ZYG11B: variants seen among roughly 807,000 people sequenced by gnomAD.
The protein encoded by ZYG11B is zyg-11 family member B, cell cycle regulator.
A neutral mutation model predicts 82.4 loss-of-function variants in ZYG11B; 36 were observed. The ratio of observed to expected loss-of-function variants is 0.44; its 90% CI spans 0.33 to 0.58. ZYG11B has a LOEUF of 0.58. ZYG11B is among the 20% of genes least tolerant of loss of function. ZYG11B has a pLI of 0.02. For missense variants in ZYG11B, 552 were observed against 895.6 expected, an observed-to-expected ratio of 0.62 and a Z score of 4.90; for synonymous variants, 303 against 312.8, an observed-to-expected ratio of 0.97 and a Z score of 0.33.
At chr1:52,731,293 A>G (rs976195206) in intron 1 of ZYG11B, among the ~76,000 whole-genome samples, 11 of 152,030 alleles carry the variant, frequency 7.2e-5, no homozygotes, top group South Asian at 2.1e-4. Flanking sequence ...AGAAAAAAAA[A>G]AAAAAGAGTC....
chr1:52,736,696 G>T (rs1192412503), intron 1 of ZYG11B, among the ~76,000 whole-genome samples: 1 of 151,328 alleles, frequency 6.6e-6, no homozygotes, highest in African/African-American at 2.4e-5. Context: ...CAGGTGATCC[G>T]CCCACCTTGG....
chr1:52,791,168 T>A (rs1644956040), intron 6 of ZYG11B, among the ~76,000 whole-genome samples: 2 of 151,804 alleles, frequency 1.3e-5, no homozygotes, highest in South Asian at 4.2e-4. Flanking sequence ...AGACAGGGTT[T>A]CACCACGTTG....
intron 3 of ZYG11B, among the ~76,000 whole-genome samples, chr1:52,778,021 A>G (rs1274040296): frequency 6.6e-6 from 1 of 152,176 alleles, no homozygotes; most frequent in African/African-American, 2.4e-5. Flanking sequence ...GAACTTTGTC[A>G]TCTACCCCAA....
chr1:52,726,904 C>G (rs996338887), intron 1 of ZYG11B, among the ~76,000 whole-genome samples: 1 of 152,070 alleles, frequency 6.6e-6, no homozygotes, highest in African/African-American at 2.4e-5. Context: ...AATCTCCCTT[C>G]TCCCCGATGA....
rs1644633038 is a variant in ZYG11B, at chr1:52,761,709, G to A, written c.196+5086G>A. Among the ~76,000 whole-genome samples the A allele has an allele frequency of 2.0e-5, 3 of 152,186 alleles. No homozygotes were observed. The South Asian group carries it at 6.2e-4, about 32-fold the overall frequency. On this transcript the variant is annotated intron_variant, in intron 2 of 13. Transcript: ENST00000294353. Reference sequence around the variant, plus strand: ...TCCTTTGAATAAATGTCCAGTAGTGGGATTGCTGGATATGGTAGTTCTATT... The same window carrying A: ...TCCTTTGAATAAATGTCCAGTAGTGAGATTGCTGGATATGGTAGTTCTATT...
At chr1:52,811,549 TC>T (rs780495563) in intron 10 of ZYG11B, among the ~76,000 whole-genome samples, 1 of 152,148 alleles carries the variant, frequency 6.6e-6, no homozygotes, top group African/African-American at 2.4e-5. Flanking sequence ...GAAGTGATCC[TC>T]CCACCTCAAC....
At position 52,793,866 on chromosome 1, in the gene ZYG11B, T is replaced by TCTTC. The variant is rs1268357833; in HGVS notation, c.1335-2423_1335-2422insCCTT. Among the ~76,000 whole-genome samples, 229 of 139,304 alleles carry TCTTC rather than the reference T, an allele frequency of 1.6e-3. 4 individuals carry two copies. The highest frequency in any genetic ancestry group is 5.9e-3 in the African/African-American group (213 of 36,100). The allele number at this position is 139,304 out of a possible 152,430, so 91.4% of individuals were successfully genotyped here. A position where few individuals can be genotyped will look rare whatever the true frequency, so the allele number is the denominator to read the frequency against. On this transcript the variant is annotated intron_variant, in intron 6 of 13. Coordinates refer to ENST00000294353, the MANE Select transcript of ZYG11B (RefSeq NM_024646.3). ...GGTTTCTTTCTTTCTTCCTTTTCTT[T>TCTTC]CTTTCCTTCCTTCCTTCCTTCCTTC...
intron 8 of ZYG11B, among the ~76,000 whole-genome samples, chr1:52,797,118 ATT>A (rs1645022559): frequency 1.4e-5 from 1 of 69,024 alleles, no homozygotes; most frequent in Non-Finnish European, 2.0e-5. Flanking sequence ...ATATTTATAT[ATT>A]ATATATTATA....
intron 1 of ZYG11B, among the ~76,000 whole-genome samples, chr1:52,746,695 T>TTTTTTTTG (rs1644479952): frequency 4.1e-5 from 5 of 122,378 alleles, no homozygotes; most frequent in East Asian, 3.2e-4. Context: ...CTGTTTTTTT[T>TTTTTTTTG]TTTTTTTTTT....
chr1:52,791,075 G>T (rs896963430), intron 6 of ZYG11B, among the ~76,000 whole-genome samples: 6 of 151,660 alleles, frequency 4.0e-5, no homozygotes, highest in African/African-American at 1.2e-4. Context: ...GAGTTTAAGT[G>T]ATTCTCCTAC....
Position 52,785,060 on chromosome 1 carries a change from T to A in ZYG11B, c.1269+7T>A. The A allele has an allele frequency of 6.2e-7, 1 of 1,611,144 alleles. No homozygotes were observed. The highest frequency in any genetic ancestry group is 1.7e-5 in the Admixed American group (1 of 58,606). ...TTTTCCCAATCACCAGCAGGTAAGC[T>A]TATGTGAATTCCTTTTCAAATAGTC... On this transcript the variant is annotated splice_region_variant and intron_variant, in intron 5 of 13. Transcript: ENST00000294353.
At chr1:52,783,131 T>C (rs1644870716) in intron 4 of ZYG11B, among the ~76,000 whole-genome samples, 1 of 152,068 alleles carries the variant, frequency 6.6e-6, no homozygotes, top group Non-Finnish European at 1.5e-5. Flanking sequence ...TTCACCATGT[T>C]GGCCAGGCTG....
intron 10 of ZYG11B, among the ~76,000 whole-genome samples, chr1:52,808,702 A>G (rs1224565248): frequency 6.6e-6 from 1 of 152,094 alleles, no homozygotes; most frequent in Non-Finnish European, 1.5e-5. Flanking sequence ...CCTTTTCCCC[A>G]TATTGGAGTC....
intron 2 of ZYG11B, among the ~76,000 whole-genome samples, chr1:52,769,542 G>A (rs779370338): frequency 6.6e-6 from 1 of 152,184 alleles, no homozygotes; most frequent in Non-Finnish European, 1.5e-5. Context: ...TGTGGAGCTA[G>A]TGACTATGTA....
chr1:52,791,780 A>G (rs974237160), intron 6 of ZYG11B, among the ~76,000 whole-genome samples: 1 of 152,216 alleles, frequency 6.6e-6, no homozygotes, highest in Non-Finnish European at 1.5e-5. Flanking sequence ...AACAATTTGG[A>G]TAAAAATATA....
In ZYG11B at chr1:52,816,638, CA is replaced by C. The variant is rs201549010; in HGVS notation, c.2044+18del. ...TGTCTGCAGCAAGAATCGTATGTAC[CA>C]AAAAAAAAGAACTGTGTTTTTTTTC... On this transcript the variant is annotated intron_variant, in intron 13 of 13. Transcript: ENST00000294353. 798 of 1,540,264 alleles carry C rather than the reference CA, an allele frequency of 5.2e-4. No homozygotes were observed. The highest frequency in any genetic ancestry group is 1.1e-3 in the Admixed American group (54 of 50,698).
Position 52,825,878 on chromosome 1 carries a change from A to G in ZYG11B, c.*4249A>G, listed in dbSNP as rs1672917. The G allele has an allele frequency of 0.44, 66,881 of 151,876 alleles. 18,107 individuals carry two copies. The highest frequency in any genetic ancestry group is 0.61 in the Non-Finnish European group (41,643 of 67,952). 9.4% of individuals were successfully genotyped at this position (151,876 alleles called of 1,614,324 possible). A position where few individuals can be genotyped will look rare whatever the true frequency, so the allele number is the denominator to read the frequency against. Reference sequence around the variant, plus strand: ...CTATCCCTTCCTATCCCATATGTTTAATGAAAACATATTTTATGTGCTAAA... The same window carrying G: ...CTATCCCTTCCTATCCCATATGTTTGATGAAAACATATTTTATGTGCTAAA... On this transcript the variant is annotated 3_prime_UTR_variant, in exon 14 of 14. Transcript: ENST00000294353.
rs774775340 is a variant in ZYG11B at position 52,803,191 on chromosome 1, C to CAT, written c.1695+1064_1695+1065dup. Among the ~76,000 whole-genome samples, 19 of 69,248 alleles carry CAT rather than the reference C, an allele frequency of 2.7e-4. 2 individuals carry two copies. Among genetic ancestry groups the CAT allele is most frequent in the African/African-American group, 1.2e-3 (12 of 9,726 alleles). The allele number at this position is 69,248 out of a possible 152,430, so 45.4% of individuals were successfully genotyped here. Reference sequence around the variant, plus strand: ...ATACACACATATATATATATATACACATATATATATATACACACACATATA... The same window carrying CAT: ...ATACACACATATATATATATATACACATATATATATATATACACACACATATA... On this transcript the variant is annotated intron_variant, in intron 10 of 13. Transcript: ENST00000294353.
intron 6 of ZYG11B, among the ~76,000 whole-genome samples, chr1:52,793,980 C>G (rs1451757779): frequency 7.1e-6 from 1 of 140,718 alleles, no homozygotes; most frequent in East Asian, 2.1e-4. Flanking sequence ...TTTCTTCTTT[C>G]TTCTTCGTTT....
Sources: gnomAD v4.1 joint callset for allele counts (sites outside exome capture counted in the v4.1 genomes callset) on GRCh38, gnomAD v4.1.1 for gene constraint, MANE v1.5 for transcripts, NCBI Gene and HGNC (gene_info 2026-07-23, HGNC 2026-07-21) for gene names.